The following DHRSX variants were observed in gnomAD, a reference collection of about 807,000 sequenced individuals.
DHRSX encodes the protein dehydrogenase/reductase X-linked, also known as polyprenol dehydrogenase.
DHRSX carries 31 observed loss-of-function variants against 34.0 expected under a neutral mutation model. That is an observed-to-expected ratio of 0.91 (90% CI 0.69 to 1.23). The LOEUF (loss-of-function observed/expected upper bound fraction) is 1.23, where lower values mean the gene tolerates loss of function less well. Ranked by LOEUF, DHRSX falls within the 50% of genes most tolerant of loss-of-function variation. The probability of loss-of-function intolerance (pLI) is 0.00; values close to 1 mark genes in which losing one functional copy is unlikely to be tolerated. For missense variants in DHRSX, 414 were observed against 428.1 expected (o/e 0.97, Z 0.29); for synonymous variants, 201 against 183.8 (o/e 1.09, Z -0.76).
intron 3 of DHRSX, among the ~76,000 whole-genome samples, chrX:2,386,693 A>T (rs2043276342): frequency 6.6e-6 from 1 of 152,210 alleles, no homozygotes; most frequent in African/African-American, 2.4e-5. Context: ...CAAATATGTT[A>T]GTTGAGTTAA....
At chrX:2,294,058 C>CAGAGAG (rs779129649) in intron 3 of DHRSX, among the ~76,000 whole-genome samples, 187 of 148,978 alleles carry the variant, frequency 1.3e-3, no homozygotes, top group African/African-American at 4.0e-3. Flanking sequence ...AAGATAGAAG[C>CAGAGAG]AGAGAGAGAG....
intron 1 of DHRSX, among the ~76,000 whole-genome samples, chrX:2,430,568 C>T (rs1009833821): frequency 5.3e-5 from 8 of 152,122 alleles, no homozygotes; most frequent in African/African-American, 1.2e-4. Context: ...CCCAATTCCT[C>T]GCCGTCTCTT....
intron 3 of DHRSX, among the ~76,000 whole-genome samples, chrX:2,346,711 A>G (rs2042719457): frequency 1.3e-5 from 2 of 151,848 alleles, no homozygotes; most frequent in African/African-American, 2.4e-5. Flanking sequence ...CATGCAGGTT[A>G]CATAGGTATC....
intron 4 of DHRSX, among the ~76,000 whole-genome samples, chrX:2,290,116 T>C (rs1395240958): frequency 2.6e-5 from 4 of 152,210 alleles, no homozygotes; most frequent in African/African-American, 9.6e-5. Flanking sequence ...TTTTTATGCA[T>C]AAATTGGCAT....
chrX:2,481,097 T>C (rs991795735), intron 1 of DHRSX, among the ~76,000 whole-genome samples: 7 of 152,170 alleles, frequency 4.6e-5, no homozygotes, highest in African/African-American at 1.4e-4. Flanking sequence ...TTAATTAGGT[T>C]AATAATATGG....
chrX:2,264,180 G>A (rs141112692), intron 5 of DHRSX, among the ~76,000 whole-genome samples: 3,408 of 151,952 alleles, frequency 0.022, 131 homozygotes, highest in African/African-American at 0.078. Flanking sequence ...ACCTGTGCCC[G>A]GCAGATGCAG....
intron 4 of DHRSX, among the ~76,000 whole-genome samples, chrX:2,283,562 G>A (rs909557537): frequency 3.9e-5 from 6 of 152,158 alleles, no homozygotes; most frequent in Non-Finnish European, 7.4e-5. Context: ...ACAGGAGATG[G>A]CTGCTCAGGT....
intron 3 of DHRSX, among the ~76,000 whole-genome samples, chrX:2,316,734 T>C (rs2042245557): frequency 1.3e-5 from 2 of 152,180 alleles, no homozygotes. Context: ...ATGCTAAGCA[T>C]GTGGAGTTAT....
chrX:2,286,262 T>C (rs927486750), intron 4 of DHRSX, among the ~76,000 whole-genome samples: 2 of 152,190 alleles, frequency 1.3e-5, no homozygotes, highest in Admixed American at 1.3e-4. Flanking sequence ...CAGTGCTGAC[T>C]GTATAGAATC....
chrX:2,478,293 G>T (rs1184841454), intron 1 of DHRSX, among the ~76,000 whole-genome samples: 1 of 152,266 alleles, frequency 6.6e-6, no homozygotes, highest in Middle Eastern at 3.4e-3. Context: ...AGAGGAAAGG[G>T]ATTCCACATG....
At chrX:2,360,010 C>G (rs1469115433) in intron 3 of DHRSX, among the ~76,000 whole-genome samples, 7 of 151,972 alleles carry the variant, frequency 4.6e-5, no homozygotes, top group Non-Finnish European at 8.8e-5. Flanking sequence ...TACAACAAAC[C>G]CCCATGACAC....
intron 3 of DHRSX, among the ~76,000 whole-genome samples, chrX:2,403,385 T>C (rs1454788005): frequency 6.6e-6 from 1 of 152,232 alleles, no homozygotes; most frequent in Non-Finnish European, 1.5e-5. Flanking sequence ...GATTCTTTTC[T>C]TCTTTTCTGT....
At chrX:2,314,228 AGGGAGGGAGGGAAGGAAG>A (rs774337041) in intron 3 of DHRSX, among the ~76,000 whole-genome samples, 3,385 of 13,732 alleles carry the variant, frequency 0.25, 366 homozygotes, top group Non-Finnish European at 0.32. Flanking sequence ...GAGGGAAGGA[AGGGAGGGAGGGAAGGAAG>A]GGAGGGAAGG....
intron 5 of DHRSX, among the ~76,000 whole-genome samples, chrX:2,246,598 G>C (rs1285745692): frequency 1.3e-5 from 2 of 150,950 alleles, no homozygotes; most frequent in African/African-American, 4.9e-5. Flanking sequence ...ACTCCAGCCT[G>C]GGCAACAGAG....
At chrX:2,469,445 C>T (rs1265309310) in intron 1 of DHRSX, among the ~76,000 whole-genome samples, 1 of 151,088 alleles carries the variant, frequency 6.6e-6, no homozygotes, top group African/African-American at 2.4e-5. Context: ...ACTCCCTAGG[C>T]ATGTGGCCAA....
intron 3 of DHRSX, among the ~76,000 whole-genome samples, chrX:2,404,672 T>C (rs1344853511): frequency 6.6e-6 from 1 of 152,224 alleles, no homozygotes; most frequent in East Asian, 1.9e-4. Flanking sequence ...ATATAATGCA[T>C]GTGTCAATTA....
intron 3 of DHRSX, among the ~76,000 whole-genome samples, chrX:2,336,101 A>C (rs1364315078): frequency 6.6e-6 from 1 of 151,588 alleles, no homozygotes; most frequent in East Asian, 2.0e-4. Context: ...TCCGCCTCTC[A>C]ATTTCAAGCC....
At chrX:2,457,202 G>A (rs28589657) in intron 1 of DHRSX, among the ~76,000 whole-genome samples, 34,674 of 152,012 alleles carry the variant, frequency 0.23, 4,480 homozygotes, top group African/African-American at 0.32. Flanking sequence ...CTAAGAATGT[G>A]GCCAAGGGTC....
chrX:2,354,176 T>G (rs1026841037), intron 3 of DHRSX, among the ~76,000 whole-genome samples: 9 of 152,150 alleles, frequency 5.9e-5, no homozygotes, highest in Non-Finnish European at 1.2e-4. Context: ...GGAGCTCTAG[T>G]GGTTCCAGCC....
Sources: allele counts gnomAD v4.1 joint callset (sites outside exome capture counted in the v4.1 genomes callset), GRCh38; gene constraint gnomAD v4.1.1; transcripts MANE v1.5; gene names NCBI Gene and HGNC (gene_info 2026-07-23, HGNC 2026-07-21).